NR3C2: variants seen among roughly 807,000 people sequenced by gnomAD.
NR3C2 encodes nuclear receptor subfamily 3 group C member 2.
NR3C2 carries 15 observed loss-of-function variants against 86.4 expected under a neutral mutation model. The ratio of observed to expected loss-of-function variants is 0.17; its 90% CI spans 0.12 to 0.27. NR3C2 has a LOEUF of 0.27. NR3C2 is among the 10% of genes least tolerant of loss of function. The probability of loss-of-function intolerance (pLI) is 1.00; values close to 1 mark genes in which losing one functional copy is unlikely to be tolerated. For missense variants in NR3C2, 960 were observed against 1,195.6 expected (o/e 0.80, Z 2.91); for synonymous variants, 458 against 450.5 (o/e 1.02, Z -0.21).
At chr4:148,266,165 C>T (rs1233753699) in intron 2 of NR3C2, among the ~76,000 whole-genome samples, 9 of 151,548 alleles carry the variant, frequency 5.9e-5, no homozygotes, top group Admixed American at 2.0e-4. Context: ...CTCCGCCTCC[C>T]GGGTTCAAGC....
At chr4:148,266,023 G>A (rs772587053) in intron 2 of NR3C2, among the ~76,000 whole-genome samples, 1 of 151,492 alleles carries the variant, frequency 6.6e-6, no homozygotes, top group South Asian at 2.1e-4. Flanking sequence ...GAGATTGGAC[G>A]GGGAGGGTGG....
At chr4:148,363,506 C>CTTTTTT (rs58978966) in intron 2 of NR3C2, among the ~76,000 whole-genome samples, 49,529 of 110,408 alleles carry the variant, frequency 0.45, 13,142 homozygotes, top group East Asian at 0.76. Flanking sequence ...TCATAGATCT[C>CTTTTTT]TTTTTTTTTT....
intron 2 of NR3C2, among the ~76,000 whole-genome samples, chr4:148,268,112 C>G (rs1046963330): frequency 8.6e-5 from 13 of 151,844 alleles, no homozygotes; most frequent in Admixed American, 6.6e-4. Context: ...CTAATTTCTT[C>G]ATATTTTTAG....
At chr4:148,224,851 A>T (rs1738061198) in intron 3 of NR3C2, among the ~76,000 whole-genome samples, 1 of 152,228 alleles carries the variant, frequency 6.6e-6, no homozygotes, top group African/African-American at 2.4e-5. Context: ...GAAGGAAATT[A>T]ACAAATGTTT....
chr4:148,166,236 G>A (rs868804738), intron 4 of NR3C2, among the ~76,000 whole-genome samples: 3 of 152,330 alleles, frequency 2.0e-5, no homozygotes, highest in Middle Eastern at 3.4e-3. Flanking sequence ...TTATCTTGCA[G>A]TTGCTTCTCC....
At chr4:148,302,383 G>A (rs995087018) in intron 2 of NR3C2, among the ~76,000 whole-genome samples, 1 of 100,794 alleles carries the variant, frequency 9.9e-6, no homozygotes, top group Non-Finnish European at 2.1e-5. Flanking sequence ...AGCTATTAAT[G>A]GCCTTTAATA....
intron 6 of NR3C2, among the ~76,000 whole-genome samples, chr4:148,137,448 T>C (rs1015268393): frequency 3.9e-5 from 6 of 152,140 alleles, no homozygotes; most frequent in Admixed American, 3.9e-4. Flanking sequence ...TACAAAAGCA[T>C]CAAGCAGAGT....
chr4:148,185,853 G>A (rs1735866891), intron 4 of NR3C2, among the ~76,000 whole-genome samples: 1 of 151,950 alleles, frequency 6.6e-6, no homozygotes, highest in Non-Finnish European at 1.5e-5. Context: ...AGAGTATTCT[G>A]TAATTTATTT....
At chr4:148,227,090 C>G (rs1261619769) in intron 3 of NR3C2, among the ~76,000 whole-genome samples, 1 of 152,158 alleles carries the variant, frequency 6.6e-6, no homozygotes, top group African/African-American at 2.4e-5. Context: ...ATACTCTTAA[C>G]AAATCCACTT....
At chr4:148,280,972 G>C (rs1221923017) in intron 2 of NR3C2, among the ~76,000 whole-genome samples, 1 of 152,174 alleles carries the variant, frequency 6.6e-6, no homozygotes, top group Non-Finnish European at 1.5e-5. Context: ...GAGAAAGCAA[G>C]GAGCAAAAAG....
intron 2 of NR3C2, among the ~76,000 whole-genome samples, chr4:148,289,567 A>G (rs1415330106): frequency 2.6e-5 from 4 of 152,190 alleles, no homozygotes; most frequent in Non-Finnish European, 5.9e-5. Flanking sequence ...AATCATAAAG[A>G]CAATAGATGG....
chr4:148,445,247 G>T (rs1362090936), upstream of NR3C2, among the ~76,000 whole-genome samples: 1 of 151,972 alleles, frequency 6.6e-6, no homozygotes, highest in Non-Finnish European at 1.5e-5. Flanking sequence ...GGGAGGCGAG[G>T]GCTGGGGACC....
chr4:148,158,652 T>C (rs1453936417), intron 4 of NR3C2, among the ~76,000 whole-genome samples: 2 of 152,240 alleles, frequency 1.3e-5, no homozygotes, highest in East Asian at 1.9e-4. Flanking sequence ...TCAAATTTTA[T>C]TAAAAGTGAC....
chr4:148,135,831 C>T (rs1002295041), intron 6 of NR3C2, among the ~76,000 whole-genome samples: 1 of 151,386 alleles, frequency 6.6e-6, no homozygotes, highest in Admixed American at 6.6e-5. Flanking sequence ...CCGAGGCGGG[C>T]GGATCACGAG....
rs141402753 is a variant in NR3C2, at chr4:148,122,218, T to C, written c.2511-1930A>G. Among the ~76,000 whole-genome samples the C allele has an allele frequency of 4.6e-3, 698 of 152,336 alleles. 7 individuals carry two copies. The highest frequency in any genetic ancestry group is 0.016 in the African/African-American group (659 of 41,570). On this transcript the variant is annotated intron_variant, in intron 6 of 8. Transcript: ENST00000358102. ...GTGTCTTCTTTGGTGATTTGACTAT[T>C]CATATCTTTACCAATTTTACCCATT...
intron 2 of NR3C2, among the ~76,000 whole-genome samples, chr4:148,272,921 TAAAG>T (rs1025713402): frequency 4.6e-5 from 7 of 152,166 alleles, no homozygotes; most frequent in African/African-American, 1.7e-4. Context: ...TAGAAAAAGA[TAAAG>T]AAGTTGAAGT....
intron 2 of NR3C2, among the ~76,000 whole-genome samples, chr4:148,401,235 C>G (rs889667165): frequency 6.6e-6 from 1 of 152,172 alleles, no homozygotes; most frequent in Non-Finnish European, 1.5e-5. Flanking sequence ...GTGGAATCAT[C>G]CTCACATGGT....
At chr4:148,421,003 A>G (rs901679559) in intron 2 of NR3C2, among the ~76,000 whole-genome samples, 8 of 152,196 alleles carry the variant, frequency 5.3e-5, no homozygotes, top group African/African-American at 1.9e-4. Context: ...CTAGTTTCAG[A>G]TATTTCTTTA....
intron 2 of NR3C2, among the ~76,000 whole-genome samples, chr4:148,267,898 A>G: frequency 6.7e-6 from 1 of 148,350 alleles, no homozygotes. Flanking sequence ...TCTTTGCTGC[A>G]TTTCCTTTTG....
Sources: allele counts gnomAD v4.1 joint callset (sites outside exome capture counted in the v4.1 genomes callset), GRCh38; gene constraint gnomAD v4.1.1; transcripts MANE v1.5; gene names NCBI Gene and HGNC (gene_info 2026-07-23, HGNC 2026-07-21).